TRPC4: variants seen among roughly 807,000 people sequenced by gnomAD.
The protein encoded by TRPC4 is short transient receptor potential channel 4.
TRPC4 carries 49 observed loss-of-function variants against 99.4 expected under a neutral mutation model. The observed-to-expected ratio is 0.49, with a 90% CI of 0.39 to 0.63. The LOEUF (loss-of-function observed/expected upper bound fraction) is 0.63, where lower values mean the gene tolerates loss of function less well. Among genes scored for constraint, TRPC4 ranks in the 20% least tolerant of loss-of-function variants. The pLI is 0.00. For missense variants in TRPC4, 898 were observed against 1,152.9 expected (o/e 0.78, Z 3.20); for synonymous variants, 454 against 425.9 (o/e 1.07, Z -0.81).
chr13:37,805,032 A>G (rs1957496494), intron 1 of TRPC4, among the ~76,000 whole-genome samples: 1 of 152,048 alleles, frequency 6.6e-6, no homozygotes, highest in Non-Finnish European at 1.5e-5. Flanking sequence ...GATTATTATA[A>G]ATATGTCATA....
rs1951523644 is a variant in TRPC4 at position 37,636,549 on chromosome 13, A to G, written c.*354T>C. Reference sequence around the variant, plus strand: ...TTCAGCCACATTGGTTTTTGAATATAAAAATATCTATTTTAGGAGTCAACT... The same window carrying G: ...TTCAGCCACATTGGTTTTTGAATATGAAAATATCTATTTTAGGAGTCAACT... On this transcript the variant is annotated 3_prime_UTR_variant, in exon 11 of 11. Transcript: ENST00000379705. 1 of 164,326 alleles carries G rather than the reference A, an allele frequency of 6.1e-6. No individual in the cohort carries two copies. The allele number at this position is 164,326 out of a possible 1,614,324, so 10.2% of individuals were successfully genotyped here. A position where few individuals can be genotyped will look rare whatever the true frequency, so the allele number is the denominator to read the frequency against.
chr13:37,793,797 G>T (rs569635460), intron 1 of TRPC4, among the ~76,000 whole-genome samples: 7 of 152,222 alleles, frequency 4.6e-5, no homozygotes, highest in Admixed American at 2.0e-4. Context: ...AAACTGAAGG[G>T]AAATTGGAAA....
intron 1 of TRPC4, among the ~76,000 whole-genome samples, chr13:37,866,150 A>G (rs1959730635): frequency 6.6e-6 from 1 of 151,804 alleles, no homozygotes; most frequent in Admixed American, 6.6e-5. Flanking sequence ...CATTTCTCAA[A>G]AAGAATGCAG....
chr13:37,825,431 C>A (rs1269703664), intron 1 of TRPC4, among the ~76,000 whole-genome samples: 1 of 152,050 alleles, frequency 6.6e-6, no homozygotes, highest in African/African-American at 2.4e-5. Flanking sequence ...TTTCCCTCTA[C>A]ACACTGCTTT....
intron 8 of TRPC4, among the ~76,000 whole-genome samples, chr13:37,650,396 GT>G (rs1952002003): frequency 6.6e-6 from 1 of 152,180 alleles, no homozygotes; most frequent in East Asian, 1.9e-4. Context: ...TGAGGAAGGC[GT>G]GAAGAATGAT....
intron 2 of TRPC4, among the ~76,000 whole-genome samples, chr13:37,758,418 AGG>A (rs1299672606): frequency 1.4e-4 from 21 of 151,846 alleles, no homozygotes; most frequent in African/African-American, 4.8e-4. Flanking sequence ...AGAAATGATA[AGG>A]ATTATTTACC....
intron 3 of TRPC4, among the ~76,000 whole-genome samples, chr13:37,699,429 A>C (rs901628080): frequency 3.3e-5 from 5 of 152,218 alleles, no homozygotes; most frequent in Non-Finnish European, 5.9e-5. Context: ...TTACATTCAG[A>C]AGATAATAAT....
chr13:37,643,745 C>T (rs1951791661), intron 8 of TRPC4, among the ~76,000 whole-genome samples: 1 of 152,050 alleles, frequency 6.6e-6, no homozygotes, highest in African/African-American at 2.4e-5. Flanking sequence ...TTACTAGGCA[C>T]CTGGGGATTT....
intron 3 of TRPC4, among the ~76,000 whole-genome samples, chr13:37,741,905 A>G (rs988437458): frequency 6.8e-6 from 1 of 147,502 alleles, no homozygotes; most frequent in Non-Finnish European, 1.5e-5. Flanking sequence ...TGCACATTAT[A>G]TAACCCTCTG....
chr13:37,837,822 A>G (rs577184073), intron 1 of TRPC4, among the ~76,000 whole-genome samples: 1 of 152,226 alleles, frequency 6.6e-6, no homozygotes, highest in South Asian at 2.1e-4. Flanking sequence ...GTGGCATGAT[A>G]TGGTTTGGCT....
chr13:37,724,385 C>T (rs1433962014), intron 3 of TRPC4, among the ~76,000 whole-genome samples: 2 of 152,036 alleles, frequency 1.3e-5, no homozygotes, highest in Non-Finnish European at 2.9e-5. Flanking sequence ...CAACTTTGAG[C>T]AATGAATTAG....
intron 8 of TRPC4, among the ~76,000 whole-genome samples, chr13:37,647,007 C>G (rs1951876639): frequency 6.6e-6 from 1 of 152,186 alleles, no homozygotes; most frequent in South Asian, 2.1e-4. Flanking sequence ...CTGGAACTCC[C>G]AATCAACCAT....
chr13:37,671,372 T>C (rs1448669481), intron 5 of TRPC4, among the ~76,000 whole-genome samples: 1 of 152,130 alleles, frequency 6.6e-6, no homozygotes, highest in Admixed American at 6.5e-5. Context: ...ATTATTATCA[T>C]CAACTTACAG....
chr13:37,669,240 CA>C lies in TRPC4; in HGVS notation c.1374+4987del, dbSNP rs1952755212. On this transcript the variant is annotated intron_variant, in intron 5 of 10. Coordinates refer to ENST00000379705, the MANE Select transcript of TRPC4 (RefSeq NM_016179.4). ...GGAATTAAAATCTAATCATTTCTGC[CA>C]AACTGTTGAAGATAAATATGAGAAG... 3.3e-5 allele frequency among the ~76,000 whole-genome samples: 5 copies of C among 151,948 alleles called. No individual in the cohort carries two copies. The South Asian group carries it at 1.0e-3, about 32-fold the overall frequency.
rs553297717 is a variant in TRPC4 at position 37,796,607 on chromosome 13, C to A, written c.-27-13247G>T. On this transcript the variant is annotated intron_variant, in intron 1 of 10. Transcript: ENST00000379705. ...CTCAGGGAGTTCTTTTGAGTCCTCACCAATACTCCTGGAGCTCCCCTAAAT... is the reference window on the plus strand; with the variant it reads ...CTCAGGGAGTTCTTTTGAGTCCTCAACAATACTCCTGGAGCTCCCCTAAAT... Among the ~76,000 whole-genome samples the A allele has an allele frequency of 2.0e-5, 3 of 152,212 alleles. No homozygotes were observed. In the East Asian group the frequency reaches 5.8e-4, roughly 29 times the overall value.
At chr13:37,745,550 A>AT (rs1390489466) in intron 3 of TRPC4, among the ~76,000 whole-genome samples, 6 of 145,962 alleles carry the variant, frequency 4.1e-5, no homozygotes, top group African/African-American at 1.5e-4. Context: ...ATATATATAT[A>AT]TATATAATTT....
chr13:37,794,645 C>T (rs770906476), intron 1 of TRPC4, among the ~76,000 whole-genome samples: 4 of 152,120 alleles, frequency 2.6e-5, no homozygotes, highest in Admixed American at 6.6e-5. Context: ...TTAACATTGT[C>T]GCTGCCAACA....
At chr13:37,650,496 A>T (rs562396775) in intron 8 of TRPC4, among the ~76,000 whole-genome samples, 1 of 152,002 alleles carries the variant, frequency 6.6e-6, no homozygotes, top group Non-Finnish European at 1.5e-5. Context: ...TTCCAAAATG[A>T]TGAAAGGGAA....
chr13:37,723,162 G>GGCCTC (rs1166263192), intron 3 of TRPC4, among the ~76,000 whole-genome samples: 1 of 152,098 alleles, frequency 6.6e-6, no homozygotes, highest in Admixed American at 6.6e-5. Context: ...CTTGTCCTTA[G>GGCCTC]GGAGGCCCTT....
Sources: gnomAD v4.1 joint callset for allele counts (sites outside exome capture counted in the v4.1 genomes callset) on GRCh38, gnomAD v4.1.1 for gene constraint, MANE v1.5 for transcripts, NCBI Gene and HGNC (gene_info 2026-07-23, HGNC 2026-07-21) for gene names.